INTS13: variants seen among roughly 807,000 people sequenced by gnomAD.
INTS13 encodes the protein integrator complex subunit 13.
In INTS13, 35 loss-of-function variants were observed where a neutral mutation model predicts 90.2. The ratio of observed to expected loss-of-function variants is 0.39; its 90% CI spans 0.30 to 0.51. The LOEUF is 0.51. Ranked by LOEUF, INTS13 falls within the 20% of genes least tolerant of loss-of-function variation. INTS13 has a pLI of 0.80. For synonymous variants in INTS13, 309 were observed against 277.1 expected (o/e 1.11, Z -1.14); for missense variants, 601 against 851.2 (o/e 0.71, Z 3.66).
At chr12:26,930,173 T>C (rs1343656943) in intron 3 of INTS13, among the ~76,000 whole-genome samples, 1 of 152,028 alleles carries the variant, frequency 6.6e-6, no homozygotes, top group Non-Finnish European at 1.5e-5. Context: ...ATCTAAAAAA[T>C]GAAAAAACAT....
At chr12:26,924,623 C>A (rs1202574237) in intron 6 of INTS13, 140 bp from the exon 7 acceptor site, 2 of 906,724 alleles carry the variant, frequency 2.2e-6, no homozygotes, top group Non-Finnish European at 3.2e-6. Flanking sequence ...CATAAATTAA[C>A]CATGACAATT....
At chr12:26,936,898 C>A (rs916198292) in intron 1 of INTS13, 84 bp from the exon 2 acceptor site, 3 of 896,406 alleles carry the variant, frequency 3.3e-6, no homozygotes, top group Non-Finnish European at 5.1e-6. Context: ...ATTGTCTTTC[C>A]CTCAAGAAGA....
intron 11 of INTS13, 35 bp downstream of exon 11, chr12:26,915,967 T>C (rs923795657): frequency 3.3e-6 from 5 of 1,495,550 alleles, no homozygotes; most frequent in Admixed American, 2.0e-5. Context: ...GATGACAGAT[T>C]CAAAACTTAA....
chr12:26,913,678 T>C lies in INTS13; in HGVS notation c.1584A>G (p.Gln528=). The C allele has an allele frequency of 6.2e-7, 1 of 1,611,490 alleles. No individual in the cohort carries two copies. Among genetic ancestry groups the C allele is most frequent in the Non-Finnish European group, 8.5e-7 (1 of 1,178,336 alleles). Residue 528 remains glutamine, a synonymous_variant, in exon 14 of 17, where the codon CAA becomes CAG. Coordinates refer to ENST00000261191, the MANE Select transcript of INTS13 (RefSeq NM_018164.3). The stretch of plus-strand genomic sequence containing the variant: ...CTAATTCATTCCACATGATACGGTA[T>C]TGTTCATCTCTGCAGCAAAGATTTG... The part of the protein sequence containing the change: ...TRGKGPKRDE[Q]YRIMWNELET...
At chr12:26,925,889 A>G in intron 5 of INTS13, 38 bp from the exon 6 acceptor site, 1 of 1,422,854 alleles carries the variant, frequency 7.0e-7, no homozygotes, top group African/African-American at 1.4e-5. Flanking sequence ...TTAAGAATAC[A>G]TAGTATGTAA....
At chr12:26,927,553 T>G (rs949966237) in intron 5 of INTS13, among the ~76,000 whole-genome samples, 6 of 152,212 alleles carry the variant, frequency 3.9e-5, no homozygotes, top group Non-Finnish European at 8.8e-5. Flanking sequence ...TGGTACATAC[T>G]GAATAACGCC....
In INTS13 at chr12:26,911,172, C is replaced by T; in HGVS notation, c.1945+6G>A. On this transcript the variant is annotated splice_donor_region_variant and intron_variant, in intron 15 of 16. Coordinates refer to ENST00000261191, the MANE Select transcript of INTS13 (RefSeq NM_018164.3). ...TATAAACCTAGTTACCACAGCTGTA[C>T]CTTACCTTTTGATTTTTCCACTTGT... 1 of 1,612,096 alleles carries T rather than the reference C, an allele frequency of 6.2e-7. No individual in the cohort carries two copies. Among genetic ancestry groups the T allele is most frequent in the South Asian group, 1.1e-5 (1 of 90,694 alleles).
At chr12:26,924,139 T>C (rs1010744182) in intron 7 of INTS13, among the ~76,000 whole-genome samples, 1 of 152,080 alleles carries the variant, frequency 6.6e-6, no homozygotes, top group Non-Finnish European at 1.5e-5. Flanking sequence ...AAATAATACA[T>C]GTCCAACAAT....
chr12:26,928,567 AAG>A, intron 4 of INTS13, 134 bp downstream of exon 4: 3 of 877,476 alleles, frequency 3.4e-6, no homozygotes, highest in Non-Finnish European at 5.1e-6. Context: ...AAAAAAAAAA[AAG>A]AAAAAAATCA....
intron 8 of INTS13, among the ~76,000 whole-genome samples, chr12:26,918,072 C>T (rs146108515): frequency 2.0e-5 from 3 of 151,762 alleles, no homozygotes; most frequent in Admixed American, 1.3e-4. Flanking sequence ...CGGTGAGCTG[C>T]GATCACGACA....
rs1450281738 is a variant in INTS13 at position 26,913,577 on chromosome 12, C to G, written c.1685G>C (p.Ser562Thr). ...TCGTTCTTCCTCTTCTGGGGGTTTG[C>G]TCCTGCATGCCATCAGACATTCCAA... ...RVLECLMACR[S>T]KPPEEEERKK... is the part of the protein sequence containing the mutation. Residue 562 changes from serine to threonine, a missense_variant, in exon 14 of 17, where the codon AGC becomes ACC. By Grantham distance (58) the Ser-to-Thr change is moderately conservative (BLOSUM62 1). Around this residue, in one of 3 missense-constraint regions of INTS13, gnomAD observed 228 missense variants for 272.5 expected, o/e 0.84. Transcript: ENST00000261191. 2 of 1,614,082 alleles carry G rather than the reference C, an allele frequency of 1.2e-6. No individual in the cohort carries two copies. Among genetic ancestry groups the G allele is most frequent in the Admixed American group, 1.7e-5 (1 of 60,024 alleles).
intron 10 of INTS13, 29 bp downstream of exon 10, chr12:26,917,323 A>G: frequency 1.2e-6 from 1 of 811,276 alleles, no homozygotes; most frequent in Non-Finnish European, 1.8e-6. Context: ...AAATAATTTC[A>G]GTCAAAACCA....
chr12:26,922,733 T>C lies in INTS13; in HGVS notation c.805-33A>G, dbSNP rs150508413. Reference sequence around the variant, plus strand: ...TAAAATTTCAAACATTTTAAAAAACTTGGTTTTGCTTTCAAAATAATAAAA... The same window carrying C: ...TAAAATTTCAAACATTTTAAAAAACCTGGTTTTGCTTTCAAAATAATAAAA... On this transcript the variant is annotated intron_variant, in intron 7 of 16. Coordinates refer to ENST00000261191, the MANE Select transcript of INTS13 (RefSeq NM_018164.3). 492 of 1,409,768 alleles carry C rather than the reference T, an allele frequency of 3.5e-4. 2 individuals are homozygous for C. The East Asian group carries it at 6.2e-3, about 18-fold the overall frequency. The allele number at this position is 1,409,768 out of a possible 1,614,324, so 87.3% of individuals were successfully genotyped here. A position where few individuals can be genotyped will look rare whatever the true frequency, so the allele number is the denominator to read the frequency against.
At position 26,911,308 on chromosome 12, in the gene INTS13, T is replaced by C. The variant is rs1486015895; in HGVS notation, c.1815A>G (p.Gly605=). The stretch of plus-strand genomic sequence containing the variant: ...ATTCTTCTTTTCCACGCTCTAAGAT[T>C]CCTTTTAATCTTTTAGAGGGACAAA... ...KSWQDSERLK[G]ILERGKEELA... Residue 605 remains glycine (G), a synonymous_variant, in exon 15 of 17, where the codon GGA becomes GGG. Transcript: ENST00000261191. The C allele has an allele frequency of 6.2e-7, 1 of 1,608,168 alleles. No individual in the cohort carries two copies. Among genetic ancestry groups the C allele is most frequent in the African/African-American group, 1.3e-5 (1 of 74,454 alleles).
At chr12:26,909,734 G>T (rs1295020158) in intron 15 of INTS13, among the ~76,000 whole-genome samples, 1 of 152,196 alleles carries the variant, frequency 6.6e-6, no homozygotes, top group Non-Finnish European at 1.5e-5. Flanking sequence ...GCAAATGCCT[G>T]AAAGGCAAAT....
chr12:26,910,977 A>T (rs1373342652), intron 15 of INTS13, among the ~76,000 whole-genome samples: 1 of 152,100 alleles, frequency 6.6e-6, no homozygotes, highest in Non-Finnish European at 1.5e-5. Context: ...CTGGGATTAC[A>T]GGTGTGTGTC....
At chr12:26,934,520 A>C (rs1013009767) in intron 3 of INTS13, 36 bp downstream of exon 3, 10 of 1,432,564 alleles carry the variant, frequency 7.0e-6, no homozygotes, top group Middle Eastern at 3.5e-4. Flanking sequence ...CATTTAGATA[A>C]TTTACAAATG....
intron 7 of INTS13, among the ~76,000 whole-genome samples, chr12:26,924,116 G>A (rs1036033062): frequency 1.3e-5 from 2 of 151,984 alleles, no homozygotes; most frequent in Non-Finnish European, 2.9e-5. Flanking sequence ...AAAGGTAAAG[G>A]TTCAATTAAA....
chr12:26,907,920 C>T (rs1290049833), intron 15 of INTS13, among the ~76,000 whole-genome samples: 1 of 152,076 alleles, frequency 6.6e-6, no homozygotes, highest in Non-Finnish European at 1.5e-5. Context: ...ACAAAACAAA[C>T]AGTAACCCTG....
Sources: gnomAD v4.1 joint callset for allele counts (sites outside exome capture counted in the v4.1 genomes callset) on GRCh38, gnomAD v4.1.1 for gene constraint, gnomAD v4.1.1 regional missense constraint, MANE v1.5 for transcripts, NCBI Gene and HGNC (gene_info 2026-07-23, HGNC 2026-07-21) for gene names.